ZBTB49: variants seen among roughly 807,000 people sequenced by gnomAD.
ZBTB49 encodes zinc finger and BTB domain-containing protein 49.
In ZBTB49, 43 loss-of-function variants were observed where a neutral mutation model predicts 57.5. The observed-to-expected ratio is 0.75, with a 90% CI of 0.59 to 0.97. The LOEUF is 0.97. Ranked by LOEUF, ZBTB49 falls within the 50% of genes least tolerant of loss-of-function variation. The probability of loss-of-function intolerance (pLI) is 0.00; values close to 1 mark genes in which losing one functional copy is unlikely to be tolerated. For synonymous variants in ZBTB49, 369 were observed against 362.1 expected (o/e 1.02, Z -0.22); for missense variants, 938 against 947.7 (o/e 0.99, Z 0.13).
chr4:4,302,577 A>G lies in ZBTB49; in HGVS notation c.741A>G (p.Thr247=). 2 of 1,614,054 alleles carry G rather than the reference A, an allele frequency of 1.2e-6. No homozygotes were observed. Among genetic ancestry groups the G allele is most frequent in the Non-Finnish European group, 1.7e-6 (2 of 1,179,992 alleles). ...AGCCTTTTGCTTTCAGCACCTCTAC[A>G]GACCTTACCACGGTAGAGAGCCAGC... is the stretch of plus-strand genomic sequence containing the variant. ...VEQPFAFSTS[T]DLTTVESQPC... Residue 247 remains threonine, a synonymous_variant, in exon 3 of 8, where the codon ACA becomes ACG. Coordinates refer to ENST00000337872, the MANE Select transcript of ZBTB49 (RefSeq NM_145291.4).
At chr4:4,311,059 T>C (rs1351555204) in intron 4 of ZBTB49, among the ~76,000 whole-genome samples, 1 of 152,238 alleles carries the variant, frequency 6.6e-6, no homozygotes, top group Non-Finnish European at 1.5e-5. Context: ...TTATATTATT[T>C]ATCAGAAATA....
intron 7 of ZBTB49, among the ~76,000 whole-genome samples, chr4:4,317,088 C>G (rs1721221869): frequency 1.3e-5 from 2 of 152,198 alleles, no homozygotes; most frequent in African/African-American, 4.8e-5. Context: ...AAATAATTAT[C>G]ACAACTGTGA....
chr4:4,320,298 A>G (rs1721352240), intron 7 of ZBTB49, among the ~76,000 whole-genome samples: 1 of 152,226 alleles, frequency 6.6e-6, no homozygotes, highest in South Asian at 2.1e-4. Flanking sequence ...CAGCTGGAGA[A>G]GCACCTCCCA....
At chr4:4,307,159 G>A (rs562838661) in intron 4 of ZBTB49, among the ~76,000 whole-genome samples, 34 of 152,278 alleles carry the variant, frequency 2.2e-4, no homozygotes, top group Admixed American at 7.8e-4. Context: ...CCAAGTCCTC[G>A]CCGTCTCTCA....
At chr4:4,301,671 C>T (rs1720477772) in intron 2 of ZBTB49, among the ~76,000 whole-genome samples, 1 of 151,878 alleles carries the variant, frequency 6.6e-6, no homozygotes, top group South Asian at 2.1e-4. Flanking sequence ...TGGGAATTAT[C>T]TTAGAAACTT....
intron 2 of ZBTB49, among the ~76,000 whole-genome samples, chr4:4,301,188 G>A (rs1274102844): frequency 6.6e-6 from 1 of 152,160 alleles, no homozygotes; most frequent in Non-Finnish European, 1.5e-5. Context: ...GCTGTTTGGG[G>A]GAAATAGGTG....
chr4:4,306,545 C>T (rs545506910), intron 4 of ZBTB49, among the ~76,000 whole-genome samples: 18 of 152,276 alleles, frequency 1.2e-4, no homozygotes, highest in African/African-American at 3.4e-4. Flanking sequence ...TAGGTCTCCT[C>T]ATTCTTGTTG....
chr4:4,310,814 C>T (rs1223750993), intron 4 of ZBTB49, among the ~76,000 whole-genome samples: 3 of 151,970 alleles, frequency 2.0e-5, no homozygotes, highest in East Asian at 1.9e-4. Flanking sequence ...CCACTGCGCC[C>T]GGCCTACTTG....
intron 1 of ZBTB49, among the ~76,000 whole-genome samples, chr4:4,299,194 G>A (rs1190207854): frequency 1.3e-5 from 2 of 151,940 alleles, no homozygotes; most frequent in African/African-American, 4.8e-5. Context: ...GCAAGCTCCT[G>A]CCTCAGAGAC....
chr4:4,298,466 G>T (rs1400551000), intron 1 of ZBTB49, among the ~76,000 whole-genome samples: 2 of 66,718 alleles, frequency 3.0e-5, no homozygotes, highest in Non-Finnish European at 9.5e-5. Flanking sequence ...TGTCACCCAG[G>T]CTGGAGGGCG....
rs1245909429 is a variant in ZBTB49 at position 4,302,387 on chromosome 4, A to G, written c.551A>G (p.His184Arg). 2 of 1,614,142 alleles carry G rather than the reference A, an allele frequency of 1.2e-6. No individual in the cohort carries two copies. Among genetic ancestry groups the G allele is most frequent in the South Asian group, 1.1e-5 (1 of 91,094 alleles). The change falls in exon 3 of 8, where the codon CAT becomes CGT. Residue 184 changes from histidine to arginine, a missense_variant. By Grantham distance (29) the His-to-Arg change is conservative. Transcript: ENST00000337872. ...CATGCTTCACCATCAGTTAATCGTCATCACTCCGCAGGTGAAATCTCAAAA... is the reference window on the plus strand; with the variant it reads ...CATGCTTCACCATCAGTTAATCGTCGTCACTCCGCAGGTGAAATCTCAAAA... Reference protein sequence around the residue: ...HPHASPSVNRHHSAGEISKQA... With the variant: ...HPHASPSVNRRHSAGEISKQA...
intron 5 of ZBTB49, among the ~76,000 whole-genome samples, chr4:4,315,151 G>A (rs1234545280): frequency 1.3e-5 from 2 of 152,176 alleles, no homozygotes; most frequent in Non-Finnish European, 2.9e-5. Flanking sequence ...AGCGAGAGTC[G>A]CACCTGGCTA....
chr4:4,305,170 TA>T (rs1160900458), intron 3 of ZBTB49, among the ~76,000 whole-genome samples: 14 of 110,384 alleles, frequency 1.3e-4, no homozygotes, highest in African/African-American at 4.7e-4. Context: ...ATTATTAATA[TA>T]AATATAATTA....
intron 7 of ZBTB49, 94 bp downstream of exon 7, chr4:4,316,064 G>C (rs1721184328): frequency 6.7e-7 from 1 of 1,488,056 alleles, no homozygotes; most frequent in African/African-American, 1.4e-5. Context: ...TCTGGGATGA[G>C]CCCTTTGTTT....
chr4:4,299,801 G>A (rs1720393645), intron 1 of ZBTB49, 126 bp from the exon 2 acceptor site: 1 of 733,682 alleles, frequency 1.4e-6, no homozygotes, highest in South Asian at 1.7e-5. Context: ...GTGTGTGTGT[G>A]TGTGTGTGTG....
At chr4:4,309,348 T>C (rs1720878166) in intron 4 of ZBTB49, among the ~76,000 whole-genome samples, 4 of 152,226 alleles carry the variant, frequency 2.6e-5, no homozygotes, top group Admixed American at 2.6e-4. Flanking sequence ...GGAAGAGTCA[T>C]GTCCTACTTT....
chr4:4,316,573 A>C (rs1208281020), intron 7 of ZBTB49, among the ~76,000 whole-genome samples: 3 of 152,188 alleles, frequency 2.0e-5, no homozygotes, highest in African/African-American at 7.2e-5. Flanking sequence ...ACCCGTGACA[A>C]GTAATTGAGA....
chr4:4,315,443 C>G (rs889836620), intron 5 of ZBTB49, among the ~76,000 whole-genome samples, 193 bp from the exon 6 acceptor site: 1 of 152,072 alleles, frequency 6.6e-6, no homozygotes, highest in Admixed American at 6.5e-5. Context: ...AAGACACTTG[C>G]ATCATGTTCT....
rs1407100621 is a variant in ZBTB49 at position 4,301,975 on chromosome 4, C to G, written c.153-14C>G. The G allele has an allele frequency of 6.7e-7, 1 of 1,498,736 alleles. No individual in the cohort carries two copies. Among genetic ancestry groups the G allele is most frequent in the Middle Eastern group, 1.8e-4 (1 of 5,582 alleles). 92.8% of individuals were successfully genotyped at this position (1,498,736 alleles called of 1,614,324 possible). On this transcript the variant is annotated splice_polypyrimidine_tract_variant and intron_variant, in intron 2 of 7. Coordinates refer to ENST00000337872, the MANE Select transcript of ZBTB49 (RefSeq NM_145291.4). ...ATTTTTGGCACTGTAAACAGATATT[C>G]TTTCTTTTACCAGGAGCCTCTTTCA...
Sources: allele counts gnomAD v4.1 joint callset (sites outside exome capture counted in the v4.1 genomes callset), GRCh38; gene constraint gnomAD v4.1.1; transcripts MANE v1.5; gene names NCBI Gene and HGNC (gene_info 2026-07-23, HGNC 2026-07-21).